Variants in RNF13 observed in about 807,000 individuals in gnomAD.
The protein encoded by RNF13 is ring finger protein 13.
RNF13 carries 19 observed loss-of-function variants against 37.7 expected under a neutral mutation model. The observed-to-expected ratio is 0.50, with a 90% confidence interval of 0.35 to 0.74. The LOEUF is 0.74. Ranked by LOEUF, RNF13 falls within the 30% of genes least tolerant of loss-of-function variation. The probability of loss-of-function intolerance (pLI) is 0.01; values close to 1 mark genes in which losing one functional copy is unlikely to be tolerated. For synonymous variants in RNF13, 144 were observed against 157.8 expected, an observed-to-expected ratio of 0.91 and a Z score of 0.65; for missense variants, 375 against 453.0, an observed-to-expected ratio of 0.83 and a Z score of 1.56.
intron 4 of RNF13, among the ~76,000 whole-genome samples, chr3:149,881,377 C>A (rs1392093233): frequency 1.3e-5 from 2 of 152,134 alleles, no homozygotes; most frequent in African/African-American, 4.8e-5. Context: ...GTTGCCCAGG[C>A]TGGAATACAG....
chr3:149,828,679 T>TC (rs1720733553), intron 1 of RNF13, among the ~76,000 whole-genome samples: 1 of 151,548 alleles, frequency 6.6e-6, no homozygotes. Flanking sequence ...TCTCTCTCTC[T>TC]TTTTTTTTCT....
At chr3:149,943,343 T>G (rs1297764943) in intron 8 of RNF13, among the ~76,000 whole-genome samples, 3 of 152,190 alleles carry the variant, frequency 2.0e-5, no homozygotes, top group Middle Eastern at 6.8e-3. Flanking sequence ...TTACCAATTA[T>G]CAACATCCTG....
intron 7 of RNF13, among the ~76,000 whole-genome samples, chr3:149,913,577 C>T (rs1331349167): frequency 2.0e-5 from 3 of 152,134 alleles, no homozygotes; most frequent in Non-Finnish European, 4.4e-5. Flanking sequence ...TCCAGGATAC[C>T]ACATTGTATT....
chr3:149,944,410 T>C (rs530975744), intron 8 of RNF13, among the ~76,000 whole-genome samples: 2 of 152,326 alleles, frequency 1.3e-5, no homozygotes, highest in East Asian at 3.9e-4. Context: ...TCCACAATGG[T>C]TGAACTAGTT....
chr3:149,939,512 G>A, intron 8 of RNF13: 2 of 582,250 alleles, frequency 3.4e-6, no homozygotes, highest in South Asian at 2.8e-5. Flanking sequence ...AAGATCACCA[G>A]TGGTGTTATT....
At chr3:149,824,595 C>A (rs1051117193) in intron 1 of RNF13, among the ~76,000 whole-genome samples, 1 of 151,188 alleles carries the variant, frequency 6.6e-6, no homozygotes, top group Admixed American at 6.6e-5. Context: ...TGAATAATAT[C>A]CTAGACTAGA....
chr3:149,832,924 T>C (rs60174301), intron 1 of RNF13, among the ~76,000 whole-genome samples: 2,562 of 152,166 alleles, frequency 0.017, 78 homozygotes, highest in African/African-American at 0.058. Flanking sequence ...GATGGCTTCA[T>C]TGGTGAATTC....
intron 3 of RNF13, among the ~76,000 whole-genome samples, chr3:149,856,821 A>G (rs994185162): frequency 7.9e-5 from 12 of 152,136 alleles, no homozygotes; most frequent in Admixed American, 3.9e-4. Flanking sequence ...ATCCCGGCTC[A>G]CTGCAAGCTC....
chr3:149,958,821 G>C (rs936639051), intron 8 of RNF13, among the ~76,000 whole-genome samples: 5 of 152,136 alleles, frequency 3.3e-5, no homozygotes, highest in Admixed American at 6.5e-5. Flanking sequence ...TCTAACACAT[G>C]TACATATGCA....
At chr3:149,936,862 C>T (rs1030932979) in intron 8 of RNF13, among the ~76,000 whole-genome samples, 4 of 152,074 alleles carry the variant, frequency 2.6e-5, no homozygotes, top group African/African-American at 9.7e-5. Flanking sequence ...TTTCAGGTGT[C>T]GTTTGTTGCA....
chr3:149,876,043 C>T (rs2108449392), intron 4 of RNF13, among the ~76,000 whole-genome samples: 1 of 152,208 alleles, frequency 6.6e-6, no homozygotes, highest in South Asian at 2.1e-4. Flanking sequence ...ATTGAACTTT[C>T]AGAGCTATAC....
At position 149,831,262 on chromosome 3, in the gene RNF13, G is replaced by T. The variant is rs143214703; in HGVS notation, c.-16-14749G>T. On this transcript the variant is annotated intron_variant, in intron 1 of 9. Coordinates refer to ENST00000392894, the MANE Select transcript of RNF13 (RefSeq NM_183381.3). ...AGAATGGTAGATCCACCAATGGCTTGCACCACATGCCTGGAAAAGCTTTAC... is the reference window on the plus strand; with the variant it reads ...AGAATGGTAGATCCACCAATGGCTTTCACCACATGCCTGGAAAAGCTTTAC... Among the ~76,000 whole-genome samples the T allele has an allele frequency of 3.8e-4, 58 of 152,282 alleles. No individual in the cohort carries two copies. The East Asian group carries it at 7.4e-3, about 19-fold the overall frequency.
At chr3:149,948,299 G>A (rs1720975018) in intron 8 of RNF13, among the ~76,000 whole-genome samples, 2 of 151,934 alleles carry the variant, frequency 1.3e-5, no homozygotes, top group South Asian at 4.1e-4. Flanking sequence ...CTTTATTGTT[G>A]GATCTCATAT....
chr3:149,853,876 G>T (rs1361043878), intron 3 of RNF13, among the ~76,000 whole-genome samples: 3 of 124,634 alleles, frequency 2.4e-5, no homozygotes, highest in Non-Finnish European at 4.8e-5. Context: ...TCACTCTGTT[G>T]CCCAGACTGG....
At chr3:149,898,211 A>G (rs569499507) in intron 5 of RNF13, among the ~76,000 whole-genome samples, 2 of 152,362 alleles carry the variant, frequency 1.3e-5, no homozygotes, top group South Asian at 4.1e-4. Flanking sequence ...AGGAGCCTAG[A>G]TGAGGAGTCA....
chr3:149,889,549 C>T (rs956900239), intron 4 of RNF13, among the ~76,000 whole-genome samples: 3 of 151,084 alleles, frequency 2.0e-5, no homozygotes, highest in Non-Finnish European at 2.9e-5. Context: ...GTGATCTGCC[C>T]GACTCAGCCT....
intron 1 of RNF13, among the ~76,000 whole-genome samples, chr3:149,834,406 G>C (rs967210882): frequency 6.6e-6 from 1 of 152,168 alleles, no homozygotes; most frequent in Non-Finnish European, 1.5e-5. Flanking sequence ...TAGAGCAATG[G>C]AATAGAATAA....
At position 149,960,686 on chromosome 3, in the gene RNF13, ATAAAAG is replaced by A. The variant is rs1475472553; in HGVS notation, c.782-51_782-46del. On this transcript the variant is annotated intron_variant, in intron 9 of 9. Coordinates refer to ENST00000392894, the MANE Select transcript of RNF13 (RefSeq NM_183381.3). ...GAATAAATATGGCAAGAGATTAAAT[ATAAAAG>A]TATCAACCGCAGCATACTAACTAAA... The A allele has an allele frequency of 1.0e-4, 156 of 1,509,346 alleles. 1 individual carries two copies. The African/African-American group carries it at 2.0e-3, about 20-fold the overall frequency. The allele number at this position is 1,509,346 out of a possible 1,614,324, so 93.5% of individuals were successfully genotyped here.
intron 3 of RNF13, among the ~76,000 whole-genome samples, chr3:149,867,554 C>T (rs560838763): frequency 1.3e-4 from 19 of 151,842 alleles, no homozygotes; most frequent in South Asian, 1.0e-3. Context: ...CATGAGCGAC[C>T]GCACCCGGCC....
Sources: allele counts gnomAD v4.1 joint callset (sites outside exome capture counted in the v4.1 genomes callset), GRCh38; gene constraint gnomAD v4.1.1; transcripts MANE v1.5; gene names NCBI Gene and HGNC (gene_info 2026-07-23, HGNC 2026-07-21).